TRMT44: variants seen among roughly 807,000 people sequenced by gnomAD.
TRMT44 encodes probable tRNA (uracil-O(2)-)-methyltransferase.
A neutral mutation model predicts 77.3 loss-of-function variants in TRMT44; 78 were observed. That is an observed-to-expected ratio of 1.01 (90% CI 0.84 to 1.22). The LOEUF (loss-of-function observed/expected upper bound fraction) is 1.22, where lower values mean the gene tolerates loss of function less well. Among genes scored for constraint, TRMT44 ranks in the 50% most tolerant of loss-of-function variants. The pLI is 0.00. For missense variants in TRMT44, 1,090 were observed against 964.4 expected (o/e 1.13, Z -1.73); for synonymous variants, 391 against 383.3 (o/e 1.02, Z -0.23).
rs745915221 is a variant in TRMT44, at chr4:8,449,949, CTTTTTTTT to C, written c.954+79_954+86del. ...TCATGATTTTCTTTTCTTTTCTTTT[CTTTTTTTT>C]TTTTTTTTTTTTTTTTTGCGACAGT... On this transcript the variant is annotated intron_variant, in intron 3 of 10. Coordinates refer to ENST00000389737, the MANE Select transcript of TRMT44 (RefSeq NM_152544.3). 121 of 239,110 alleles carry C rather than the reference CTTTTTTTT, an allele frequency of 5.1e-4. No homozygotes were observed. The African/African-American group carries it at 6.4e-3, about 13-fold the overall frequency. 14.8% of individuals were successfully genotyped at this position (239,110 alleles called of 1,614,324 possible).
chr4:8,455,035 C>T, intron 6 of TRMT44: 1 of 572,984 alleles, frequency 1.7e-6, no homozygotes, highest in Non-Finnish European at 3.1e-6. Context: ...GACCTCCAGG[C>T]AGAAGTGCTG....
At chr4:8,486,633 G>A (rs908345418) in intron 2 of TRMT44, among the ~76,000 whole-genome samples, 95 of 151,874 alleles carry the variant, frequency 6.3e-4, no homozygotes, top group African/African-American at 1.5e-3. Context: ...CAAACGAGCC[G>A]TGAACTGGGC....
At chr4:8,456,472 T>G (rs999273130) in intron 6 of TRMT44, among the ~76,000 whole-genome samples, 25 of 151,596 alleles carry the variant, frequency 1.6e-4, no homozygotes, top group African/African-American at 5.8e-4. Flanking sequence ...ATATGTCTTA[T>G]AGATTTCAGT....
Position 8,446,385 on chromosome 4 carries a change from C to A in TRMT44, c.620-91C>A, listed in dbSNP as rs987328033. Reference sequence around the variant, plus strand: ...TAGAGTGCTGGGGGATTGAAAGCATCGTGCTTGACTCATCCCTATTTTTAA... The same window carrying A: ...TAGAGTGCTGGGGGATTGAAAGCATAGTGCTTGACTCATCCCTATTTTTAA... On this transcript the variant is annotated intron_variant, in intron 1 of 10. Transcript: ENST00000389737. This position sits in a 1 kb window ranked among gnomAD's most constrained non-coding sequence, Gnocchi z 4.3. 7.7e-6 allele frequency: 6 copies of A among 781,770 alleles called. No homozygotes were observed. Among genetic ancestry groups the A allele is most frequent in the Non-Finnish European group, 8.3e-6 (4 of 482,362 alleles). 48.4% of individuals were successfully genotyped at this position (781,770 alleles called of 1,614,324 possible). A position where few individuals can be genotyped will look rare whatever the true frequency, so the allele number is the denominator to read the frequency against.
downstream of TRMT44, among the ~76,000 whole-genome samples, chr4:8,494,451 G>T (rs1728096177): frequency 6.6e-6 from 1 of 152,204 alleles, no homozygotes; most frequent in South Asian, 2.1e-4. Flanking sequence ...TAGAAATGCA[G>T]GTTCACTGAG....
the TRMT44 span, among the ~76,000 whole-genome samples, chr4:8,516,862 T>C: frequency 6.6e-6 from 1 of 152,220 alleles, no homozygotes; most frequent in African/African-American, 2.4e-5. Context: ...TCACCCATCT[T>C]CTCATGAGCA....
At chr4:8,480,663 A>G (rs768749182), downstream of TRMT44, among the ~76,000 whole-genome samples, 11 of 152,164 alleles carry the variant, frequency 7.2e-5, no homozygotes, top group African/African-American at 1.2e-4. Context: ...CCTGCGACCA[A>G]TGATCATTTT....
chr4:8,491,587 G>A (rs994622619), intron 2 of TRMT44, among the ~76,000 whole-genome samples: 5 of 152,200 alleles, frequency 3.3e-5, no homozygotes, highest in African/African-American at 9.6e-5. Flanking sequence ...GCGAGAAATC[G>A]AGCACAGCGC....
At position 8,490,336 on chromosome 4, in the gene TRMT44, C is replaced by T. The variant is rs1212219641; in HGVS notation, n.3892-2930C>T. Among the ~76,000 whole-genome samples, 9 of 152,052 alleles carry T rather than the reference C, an allele frequency of 5.9e-5. No individual in the cohort carries two copies. The East Asian group carries it at 1.2e-3, about 20-fold the overall frequency. On this transcript the variant is annotated intron_variant and non_coding_transcript_variant, in intron 2 of 2. Transcript: ENST00000511366. Reference sequence around the variant, plus strand: ...GAGTGTTACAGCTCTTAAGGTGGTGCGTCCGGAGTTTGTTCCTTCTGATGC... The same window carrying T: ...GAGTGTTACAGCTCTTAAGGTGGTGTGTCCGGAGTTTGTTCCTTCTGATGC...
intron 10 of TRMT44, among the ~76,000 whole-genome samples, chr4:8,474,467 C>T (rs2109193416): frequency 6.6e-6 from 1 of 152,328 alleles, no homozygotes; most frequent in East Asian, 1.9e-4. Context: ...GTGCTTCCAG[C>T]CAGGCTGTGA....
At chr4:8,447,124 C>T (rs558968501) in intron 2 of TRMT44, among the ~76,000 whole-genome samples, 6 of 152,280 alleles carry the variant, frequency 3.9e-5, no homozygotes, top group African/African-American at 1.2e-4. Context: ...GATCCACCTG[C>T]CTTGGCCTCC....
chr4:8,481,600 C>G (rs868574412), intron 2 of TRMT44, among the ~76,000 whole-genome samples: 31 of 152,382 alleles, frequency 2.0e-4, no homozygotes, highest in Middle Eastern at 3.4e-3. Flanking sequence ...CTGCCTCACC[C>G]TCCCAAAGTG....
chr4:8,482,040 T>C lies in TRMT44; in HGVS notation n.3891+2507T>C, dbSNP rs532277395. 3.9e-5 allele frequency among the ~76,000 whole-genome samples: 6 copies of C among 152,326 alleles called. No individual in the cohort carries two copies. The South Asian group carries it at 1.2e-3, about 32-fold the overall frequency. ...TGTTGAGGTCTATGCTTCAGACTTG[T>C]TAAGGTGCGTGTCGAGGTCTGCAAA... On this transcript the variant is annotated intron_variant and non_coding_transcript_variant, in intron 2 of 2. Coordinates refer to the TRMT44 transcript ENST00000511366.
chr4:8,498,765 G>A, the TRMT44 span, among the ~76,000 whole-genome samples: 1 of 152,170 alleles, frequency 6.6e-6, no homozygotes, highest in Admixed American at 6.5e-5. This position sits in a 1 kb window ranked among gnomAD's most constrained non-coding sequence, Gnocchi z 4.3. Flanking sequence ...GAGTAGAAGC[G>A]ATGCCACTGT....
At chr4:8,469,099 TATGA>T (rs1293646032) in intron 9 of TRMT44, among the ~76,000 whole-genome samples, 2 of 152,264 alleles carry the variant, frequency 1.3e-5, no homozygotes, top group East Asian at 3.8e-4. Context: ...TTTCCTCACC[TATGA>T]ATGTTGGGAC....
chr4:8,465,176 C>T (rs1345014070), intron 7 of TRMT44, among the ~76,000 whole-genome samples: 1 of 152,164 alleles, frequency 6.6e-6, no homozygotes, highest in Non-Finnish European at 1.5e-5. Context: ...TTGCAGTACA[C>T]CCATGCCACA....
the TRMT44 span, among the ~76,000 whole-genome samples, chr4:8,513,560 T>A: frequency 2.6e-5 from 4 of 152,088 alleles, no homozygotes; most frequent in Non-Finnish European, 5.9e-5. Flanking sequence ...GAATGAAAAA[T>A]GTCAGCTCAT....
chr4:8,484,209 A>G (rs1727732378), intron 2 of TRMT44, among the ~76,000 whole-genome samples: 2 of 152,158 alleles, frequency 1.3e-5, no homozygotes, highest in Admixed American at 1.3e-4. Flanking sequence ...ATGTGGGGAA[A>G]TGGGGTGAAC....
chr4:8,490,678 C>T (rs544391447), intron 2 of TRMT44, among the ~76,000 whole-genome samples: 25 of 152,302 alleles, frequency 1.6e-4, no homozygotes, highest in Non-Finnish European at 2.9e-4. Flanking sequence ...AGCGTGGACC[C>T]AAAGAGTGAG....
Sources: gnomAD v4.1 joint callset for allele counts (sites outside exome capture counted in the v4.1 genomes callset) on GRCh38, gnomAD v4.1.1 for gene constraint, Gnocchi (gnomAD v3.1) non-coding constraint, MANE v1.5 for transcripts, NCBI Gene and HGNC (gene_info 2026-07-23, HGNC 2026-07-21) for gene names.